Variants in MACROD2 observed in about 807,000 individuals in gnomAD.
MACROD2 encodes the protein ADP-ribose glycohydrolase MACROD2.
Under a neutral mutation model 70.4 loss-of-function variants are expected in MACROD2, and 36 were observed. The ratio of observed to expected loss-of-function variants is 0.51; its 90% CI spans 0.39 to 0.68. The LOEUF is 0.68. MACROD2 is among the 30% of genes least tolerant of loss of function. The pLI is 0.00. For synonymous variants in MACROD2, 172 were observed against 178.8 expected (o/e 0.96, Z 0.30); for missense variants, 496 against 538.4 (o/e 0.92, Z 0.78).
chr20:15,091,312 A>T (rs1045105504), intron 5 of MACROD2, among the ~76,000 whole-genome samples: 5 of 152,060 alleles, frequency 3.3e-5, no homozygotes, highest in African/African-American at 1.2e-4. Context: ...GGGGATATGT[A>T]TACAAAAAGG....
intron 5 of MACROD2, among the ~76,000 whole-genome samples, chr20:15,159,540 A>G (rs2076333100): frequency 6.6e-6 from 1 of 152,118 alleles, no homozygotes; most frequent in African/African-American, 2.4e-5. Flanking sequence ...GAATAAAAAT[A>G]TGGTTTGCTT....
At chr20:15,186,243 C>T (rs1249211289) in intron 5 of MACROD2, among the ~76,000 whole-genome samples, 1 of 151,972 alleles carries the variant, frequency 6.6e-6, no homozygotes, top group African/African-American at 2.4e-5. Context: ...ATTTGTTCCA[C>T]TTGTTCTTTC....
chr20:14,586,849 A>G (rs1367033466), intron 4 of MACROD2, among the ~76,000 whole-genome samples: 1 of 151,984 alleles, frequency 6.6e-6, no homozygotes, highest in Admixed American at 6.6e-5. Context: ...GATTCAAATT[A>G]TTTTAGTTAC....
At chr20:15,050,325 ATATTT>A (rs1373798921) in intron 5 of MACROD2, among the ~76,000 whole-genome samples, 16 of 152,176 alleles carry the variant, frequency 1.1e-4, no homozygotes, top group South Asian at 6.2e-4. Flanking sequence ...GTAAAAGCAA[ATATTT>A]TATTAAAGAA....
intron 5 of MACROD2, among the ~76,000 whole-genome samples, chr20:15,070,790 T>C (rs767846592): frequency 2.6e-5 from 4 of 151,972 alleles, no homozygotes; most frequent in Non-Finnish European, 2.9e-5. Context: ...CTTTATAAGT[T>C]ACCCAGTCTC....
At chr20:14,285,482 G>A (rs1204318393) in intron 3 of MACROD2, among the ~76,000 whole-genome samples, 1 of 151,986 alleles carries the variant, frequency 6.6e-6, no homozygotes, top group Admixed American at 6.6e-5. Context: ...ATATTGGAAA[G>A]GAACCCTATT....
chr20:14,396,982 C>G (rs2083587806), intron 3 of MACROD2, among the ~76,000 whole-genome samples: 1 of 128,864 alleles, frequency 7.8e-6, no homozygotes, highest in African/African-American at 2.8e-5. Flanking sequence ...TATATTTAGA[C>G]CATTTACTTT....
At chr20:15,454,288 G>A (rs563076016) in intron 7 of MACROD2, among the ~76,000 whole-genome samples, 2 of 151,798 alleles carry the variant, frequency 1.3e-5, no homozygotes, top group African/African-American at 2.4e-5. Flanking sequence ...ATCTTGCTGC[G>A]GTATTCTTTT....
intron 8 of MACROD2, among the ~76,000 whole-genome samples, chr20:15,725,460 G>C (rs1460874713): frequency 1.3e-5 from 2 of 152,112 alleles, no homozygotes; most frequent in African/African-American, 2.4e-5. Context: ...ATAATCACTT[G>C]TTAGTTCTAG....
chr20:15,613,701 G>C (rs1230539083), intron 8 of MACROD2, among the ~76,000 whole-genome samples: 5 of 152,190 alleles, frequency 3.3e-5, no homozygotes, highest in Non-Finnish European at 5.9e-5. Flanking sequence ...GCTGGGATTC[G>C]AATCCAGTCT....
chr20:14,865,799 G>T (rs1568843625), intron 5 of MACROD2, among the ~76,000 whole-genome samples: 1 of 152,060 alleles, frequency 6.6e-6, no homozygotes, highest in Non-Finnish European at 1.5e-5. Context: ...TTTAATTAAA[G>T]ATTATCCTGT....
intron 5 of MACROD2, among the ~76,000 whole-genome samples, chr20:14,777,978 T>A (rs977915302): frequency 6.6e-6 from 1 of 152,052 alleles, no homozygotes; most frequent in Middle Eastern, 3.2e-3. Flanking sequence ...AAACTTTCAA[T>A]AATGGGTTGA....
intron 8 of MACROD2, among the ~76,000 whole-genome samples, chr20:15,636,721 C>A (rs969218506): frequency 2.0e-5 from 3 of 152,034 alleles, no homozygotes; most frequent in African/African-American, 4.8e-5. Flanking sequence ...GACTCAGTTA[C>A]CTGGACTGAG....
chr20:14,674,587 C>A (rs1352648148), intron 4 of MACROD2, among the ~76,000 whole-genome samples: 1 of 152,160 alleles, frequency 6.6e-6, no homozygotes, highest in Non-Finnish European at 1.5e-5. Flanking sequence ...TCTCTGCTGT[C>A]TGACACCTTA....
chr20:15,923,651 C>T, intron 10 of MACROD2, among the ~76,000 whole-genome samples: 1 of 151,924 alleles, frequency 6.6e-6, no homozygotes. Context: ...TCAAGGGCCT[C>T]TAATGCACAG....
chr20:14,984,956 G>A (rs946858515), intron 5 of MACROD2, among the ~76,000 whole-genome samples: 1 of 152,186 alleles, frequency 6.6e-6, no homozygotes, highest in Non-Finnish European at 1.5e-5. Context: ...AGGTTCTGCT[G>A]TCCTTCCCTT....
intron 5 of MACROD2, among the ~76,000 whole-genome samples, chr20:14,691,370 C>A (rs1163974636): frequency 1.3e-5 from 2 of 152,146 alleles, no homozygotes; most frequent in African/African-American, 4.8e-5. Flanking sequence ...GCTTCTGTTG[C>A]CTCAAGAGAA....
intron 5 of MACROD2, among the ~76,000 whole-genome samples, chr20:15,113,447 T>C (rs1047537749): frequency 5.9e-5 from 9 of 152,158 alleles, no homozygotes; most frequent in Admixed American, 4.6e-4. Context: ...CATGTTTAAC[T>C]TTTTCAGAAC....
chr20:14,454,370 G>A (rs568083921), intron 3 of MACROD2, among the ~76,000 whole-genome samples: 26 of 150,092 alleles, frequency 1.7e-4, no homozygotes, highest in African/African-American at 6.1e-4. Context: ...ACATTCAATA[G>A]CTGTAAATTT....
Sources: gnomAD v4.1 joint callset for allele counts (sites outside exome capture counted in the v4.1 genomes callset) on GRCh38, gnomAD v4.1.1 for gene constraint, MANE v1.5 for transcripts, NCBI Gene and HGNC (gene_info 2026-07-23, HGNC 2026-07-21) for gene names.